Variants in PTPRN2 observed in about 807,000 individuals in gnomAD.
The protein encoded by PTPRN2 is receptor-type tyrosine-protein phosphatase N2.
A neutral mutation model predicts 118.8 loss-of-function variants in PTPRN2; 74 were observed. The observed-to-expected ratio is 0.62, with a 90% CI of 0.52 to 0.76. The LOEUF is 0.76. PTPRN2 is among the 30% of genes least tolerant of loss of function. The pLI, the probability that PTPRN2 is intolerant of heterozygous loss-of-function variation, is 0.00. For missense variants in PTPRN2, 1,481 were observed against 1,394.4 expected, an observed-to-expected ratio of 1.06 and a Z score of -0.99; for synonymous variants, 641 against 608.0, an observed-to-expected ratio of 1.05 and a Z score of -0.80.
chr7:157,837,461 C>T (rs926247594), intron 12 of PTPRN2, among the ~76,000 whole-genome samples: 1 of 151,218 alleles, frequency 6.6e-6, no homozygotes, highest in East Asian at 1.9e-4. Flanking sequence ...AGGGGGGAGG[C>T]TGTTTTGATG....
At chr7:158,472,290 G>A (rs947521013) in intron 2 of PTPRN2, among the ~76,000 whole-genome samples, 1 of 152,162 alleles carries the variant, frequency 6.6e-6, no homozygotes, top group Admixed American at 6.5e-5. Flanking sequence ...AGGAAGGATG[G>A]GAAGACGCCC....
intron 3 of PTPRN2, among the ~76,000 whole-genome samples, chr7:158,225,815 G>T (rs1203275818): frequency 6.6e-6 from 1 of 152,028 alleles, no homozygotes; most frequent in Non-Finnish European, 1.5e-5. Flanking sequence ...TAAGATAACG[G>T]AGTAGCATGG....
intron 10 of PTPRN2, among the ~76,000 whole-genome samples, chr7:158,097,585 C>G (rs962528487): frequency 6.6e-6 from 1 of 152,148 alleles, no homozygotes; most frequent in East Asian, 1.9e-4. Flanking sequence ...CTCAGGGGCT[C>G]GTGGGAATGT....
intron 2 of PTPRN2, among the ~76,000 whole-genome samples, chr7:158,319,058 A>G (rs1326816317): frequency 6.6e-6 from 1 of 152,240 alleles, no homozygotes; most frequent in Non-Finnish European, 1.5e-5. Flanking sequence ...TGTTTCTTGC[A>G]TACAATGTCA....
In PTPRN2 at chr7:158,193,100, G is replaced by A. The variant is rs147055725; in HGVS notation, c.381-605C>T. Among the ~76,000 whole-genome samples the A allele has an allele frequency of 2.6e-3, 398 of 152,358 alleles. 1 individual carries two copies. Among genetic ancestry groups the A allele is most frequent in the African/African-American group, 9.1e-3 (378 of 41,596 alleles). On this transcript the variant is annotated intron_variant, in intron 4 of 22. Coordinates refer to ENST00000389418, the MANE Select transcript of PTPRN2 (RefSeq NM_002847.5). ...AAACAGTGATTCACGCACCGCCATC[G>A]CGTGCACCATGCAGGGCAGGGACGC... is the stretch of plus-strand genomic sequence containing the variant.
chr7:158,066,612 C>A (rs1563381600), intron 11 of PTPRN2, among the ~76,000 whole-genome samples: 2 of 152,200 alleles, frequency 1.3e-5, no homozygotes, highest in Non-Finnish European at 2.9e-5. Flanking sequence ...GTTTTCCCTA[C>A]AGGAGAACGT....
intron 12 of PTPRN2, among the ~76,000 whole-genome samples, chr7:157,781,713 C>A (rs1416073579): frequency 1.3e-5 from 2 of 152,168 alleles, no homozygotes; most frequent in Non-Finnish European, 2.9e-5. Flanking sequence ...TCAGTCAAAT[C>A]GTTATTTCTG....
chr7:158,458,443 T>C (rs1818697562), intron 2 of PTPRN2, among the ~76,000 whole-genome samples: 1 of 152,134 alleles, frequency 6.6e-6, no homozygotes, highest in Non-Finnish European at 1.5e-5. Context: ...AATTCTGATT[T>C]GTCAAGAGGT....
At chr7:158,317,714 G>A (rs998448901) in intron 2 of PTPRN2, among the ~76,000 whole-genome samples, 4 of 152,186 alleles carry the variant, frequency 2.6e-5, no homozygotes, top group African/African-American at 4.8e-5. Flanking sequence ...CTGCAGCTTC[G>A]GGCGGGGCGG....
At chr7:158,582,753 C>A (rs998781712) in intron 1 of PTPRN2, among the ~76,000 whole-genome samples, 1 of 136,298 alleles carries the variant, frequency 7.3e-6, no homozygotes, top group African/African-American at 2.9e-5. Flanking sequence ...GCCATGATTG[C>A]GCCATTGTAC....
In PTPRN2 at chr7:157,598,621, C is replaced by T. The variant is rs62476777; in HGVS notation, c.2419-3306G>A. Among the ~76,000 whole-genome samples, 5,476 of 152,260 alleles carry T rather than the reference C, an allele frequency of 0.036. 176 individuals are homozygous for T. Among genetic ancestry groups the T allele is most frequent in the East Asian group, 0.19 (983 of 5,178 alleles). Reference sequence around the variant, plus strand: ...TCCAGTGCACGTGCATGTGCAGACTCGTCTGTGTGTATGTGTGTGTCCTGG... The same window carrying T: ...TCCAGTGCACGTGCATGTGCAGACTTGTCTGTGTGTATGTGTGTGTCCTGG... On this transcript the variant is annotated intron_variant, in intron 16 of 22. Coordinates refer to ENST00000389418, the MANE Select transcript of PTPRN2 (RefSeq NM_002847.5). The surrounding 1 kb of genome is among the most constrained non-coding windows in gnomAD (Gnocchi z 5.2).
At chr7:158,404,114 C>T (rs746299055) in intron 2 of PTPRN2, among the ~76,000 whole-genome samples, 5 of 152,174 alleles carry the variant, frequency 3.3e-5, no homozygotes, top group African/African-American at 7.2e-5. Context: ...AAGGTATCGC[C>T]GTGACAATAG....
intron 3 of PTPRN2, among the ~76,000 whole-genome samples, chr7:158,262,387 TCA>T (rs1260145489): frequency 0.011 from 1,401 of 126,846 alleles, 21 homozygotes; most frequent in African/African-American, 0.04. Flanking sequence ...ATACACACAT[TCA>T]CACACACTGC....
At chr7:158,514,814 C>T (rs948224319) in intron 1 of PTPRN2, among the ~76,000 whole-genome samples, 3 of 152,282 alleles carry the variant, frequency 2.0e-5, no homozygotes, top group South Asian at 4.1e-4. Context: ...GAAAACATCT[C>T]GCAGATGTAA....
chr7:157,791,795 C>A (rs1804518293), intron 12 of PTPRN2, among the ~76,000 whole-genome samples: 1 of 152,226 alleles, frequency 6.6e-6, no homozygotes, highest in Non-Finnish European at 1.5e-5. Context: ...GTTTCTGGTA[C>A]AGACCATGTT....
At chr7:158,189,271 C>A (rs182584664) in intron 5 of PTPRN2, among the ~76,000 whole-genome samples, 1 of 152,234 alleles carries the variant, frequency 6.6e-6, no homozygotes, top group Non-Finnish European at 1.5e-5. Context: ...ATCCATGCTG[C>A]GCCTTGTCCC....
intron 11 of PTPRN2, among the ~76,000 whole-genome samples, chr7:157,999,495 T>A (rs1181088872): frequency 6.6e-6 from 1 of 152,172 alleles, no homozygotes; most frequent in Non-Finnish European, 1.5e-5. Context: ...CCACTTACCC[T>A]GCGTTTTCCA....
At chr7:157,549,171 T>A (rs1798471558) in intron 21 of PTPRN2, 152 bp from the exon 22 acceptor site, 1 of 718,048 alleles carries the variant, frequency 1.4e-6, no homozygotes, top group Admixed American at 2.3e-5. Context: ...CGGCTGCAAT[T>A]TCAGTGTTCA....
chr7:158,162,799 T>C (rs1822480728), intron 6 of PTPRN2, among the ~76,000 whole-genome samples: 2 of 152,218 alleles, frequency 1.3e-5, no homozygotes, highest in South Asian at 4.1e-4. Flanking sequence ...ACTTTTGTCA[T>C]ATGCGTTCAG....
Sources: allele counts gnomAD v4.1 joint callset (sites outside exome capture counted in the v4.1 genomes callset), GRCh38; gene constraint gnomAD v4.1.1; non-coding constraint Gnocchi (gnomAD v3.1); transcripts MANE v1.5; gene names NCBI Gene and HGNC (gene_info 2026-07-23, HGNC 2026-07-21).